Variants in ADAMTSL2 observed in about 807,000 individuals in gnomAD.
ADAMTSL2 encodes ADAMTS-like protein 2.
Under a neutral mutation model 117.0 loss-of-function variants are expected in ADAMTSL2, and 55 were observed. The observed-to-expected ratio is 0.47, with a 90% CI of 0.38 to 0.59. The LOEUF (loss-of-function observed/expected upper bound fraction) is 0.59, where lower values mean the gene tolerates loss of function less well. ADAMTSL2 is among the 20% of genes least tolerant of loss of function. ADAMTSL2 has a pLI of 0.00. For missense variants in ADAMTSL2, 1,182 were observed against 1,354.5 expected (o/e 0.87, Z 2.00); for synonymous variants, 572 against 566.4 (o/e 1.01, Z -0.14).
chr9:133,535,792 G>T (rs1830036790), intron 1 of ADAMTSL2, among the ~76,000 whole-genome samples: 1 of 152,118 alleles, frequency 6.6e-6, no homozygotes, highest in African/African-American at 2.4e-5. Context: ...GCAAGGCCTG[G>T]ACAGAGGTCA....
In ADAMTSL2 at chr9:133,558,035, CT is replaced by C. The variant is rs1170521531; in HGVS notation, c.1649+2107del. ...CCTTAGGCCAGGGTCATGGCACAAG[CT>C]TACGGATCCTCAAGCCGCTTTGTAA... On this transcript the variant is annotated intron_variant, in intron 11 of 18. Transcript: ENST00000651351. This position sits in a 1 kb window ranked among gnomAD's most constrained non-coding sequence, Gnocchi z 4.3. 1.3e-5 allele frequency among the ~76,000 whole-genome samples: 2 copies of C among 152,158 alleles called. No individual in the cohort carries two copies. The highest frequency in any genetic ancestry group is 4.8e-5 in the African/African-American group (2 of 41,436).
At chr9:133,542,154 C>T (rs1193965267) in intron 7 of ADAMTSL2, among the ~76,000 whole-genome samples, 1 of 152,052 alleles carries the variant, frequency 6.6e-6, no homozygotes, top group Non-Finnish European at 1.5e-5. Flanking sequence ...CTAACTGTGG[C>T]GTGAGTGTTG....
upstream of ADAMTSL2, among the ~76,000 whole-genome samples, chr9:133,534,015 A>T (rs1829991573): frequency 6.6e-6 from 1 of 152,164 alleles, no homozygotes; most frequent in Non-Finnish European, 1.5e-5. Context: ...CTGACTCAGC[A>T]GGAACAGAGG....
rs570412714 is a variant in ADAMTSL2 at position 133,537,234 on chromosome 9, G to A, written c.91-171G>A. On this transcript the variant is annotated intron_variant, in intron 2 of 18. Transcript: ENST00000651351. ...CGGTTCCTTGGGAGTTCCCCCCAGC[G>A]CCACCCAGGAGATCTGAACCCAAGC... Among the ~76,000 whole-genome samples, 6 of 152,282 alleles carry A rather than the reference G, an allele frequency of 3.9e-5. No individual in the cohort carries two copies. In the East Asian group the frequency reaches 1.2e-3, roughly 29 times the overall value.
chr9:133,544,106 G>A lies in ADAMTSL2; in HGVS notation c.683-364G>A, dbSNP rs912339068. Among the ~76,000 whole-genome samples the A allele has an allele frequency of 1.3e-5, 2 of 152,256 alleles. 1 individual carries two copies. Among genetic ancestry groups the A allele is most frequent in the African/African-American group, 4.8e-5 (2 of 41,466 alleles). On this transcript the variant is annotated intron_variant, in intron 7 of 18. Transcript: ENST00000651351. ...TTTTAAAATGGCAGTGACAATGCAC[G>A]CAGGGAGCTGGGGCTCCATCGGCTG... is the stretch of plus-strand genomic sequence containing the variant.
At chr9:133,572,425 C>T (rs2131189217) in intron 17 of ADAMTSL2, among the ~76,000 whole-genome samples, 1 of 152,292 alleles carries the variant, frequency 6.6e-6, no homozygotes, top group South Asian at 2.1e-4. Context: ...CTGAAGCCTC[C>T]TTCTGGAAAG....
At chr9:133,571,732 A>C (rs1831111007) in intron 17 of ADAMTSL2, among the ~76,000 whole-genome samples, 2 of 152,158 alleles carry the variant, frequency 1.3e-5, no homozygotes, top group Non-Finnish European at 2.9e-5. Flanking sequence ...ACACCTGGCA[A>C]TGCCATGAGC....
chr9:133,533,008 T>C (rs2131080029), upstream of ADAMTSL2, among the ~76,000 whole-genome samples: 1 of 152,282 alleles, frequency 6.6e-6, no homozygotes, highest in East Asian at 1.9e-4. Context: ...ACCCTGGCGC[T>C]GGCTGGATGT....
rs1205131996 is a variant in ADAMTSL2, at chr9:133,563,828, A to AGAGAGAGAGAGG, written c.1747+2544_1747+2545insGGAGAGAGAGAG. 7.2e-4 allele frequency among the ~76,000 whole-genome samples: 62 copies of AGAGAGAGAGAGG among 85,586 alleles called. 4 individuals are homozygous for AGAGAGAGAGAGG. The highest frequency in any genetic ancestry group is 9.2e-4 in the African/African-American group (19 of 20,602). 56.1% of individuals were successfully genotyped at this position (85,586 alleles called of 152,430 possible). A position where few individuals can be genotyped will look rare whatever the true frequency, so the allele number is the denominator to read the frequency against. The stretch of plus-strand genomic sequence containing the variant: ...GAGAGAGAGAAAGGGGGAGAGAGAG[A>AGAGAGAGAGAGG]GAGAGAGAGAGAGAGGGAGAGAGAG... On this transcript the variant is annotated intron_variant, in intron 12 of 18. Coordinates refer to ENST00000651351, the MANE Select transcript of ADAMTSL2 (RefSeq NM_014694.4).
Position 133,540,580 on chromosome 9 carries a change from T to C in ADAMTSL2, c.413-18T>C, listed in dbSNP as rs1830193386. The C allele has an allele frequency of 6.2e-7, 1 of 1,612,826 alleles. No homozygotes were observed. Among genetic ancestry groups the C allele is most frequent in the African/African-American group, 1.3e-5 (1 of 74,928 alleles). On this transcript the variant is annotated intron_variant, in intron 5 of 18. Coordinates refer to ENST00000651351, the MANE Select transcript of ADAMTSL2 (RefSeq NM_014694.4). ...TCCTGCCCCGCTGAAACCTTCTGTC[T>C]TTGTCTCCCTCCACCAGATGACTAT...
At chr9:133,546,122 C>T (rs770522934) in intron 8 of ADAMTSL2, among the ~76,000 whole-genome samples, 1 of 152,158 alleles carries the variant, frequency 6.6e-6, no homozygotes, top group African/African-American at 2.4e-5. Context: ...GGCCTCCTCC[C>T]TGCGTCCCCA....
rs1830628769 is a variant in ADAMTSL2, at chr9:133,557,478, C to T, written c.1649+1548C>T. 6.6e-6 allele frequency among the ~76,000 whole-genome samples: 1 copy of T among 152,034 alleles called. No homozygotes were observed. The highest frequency in any genetic ancestry group is 1.9e-4 in the East Asian group (1 of 5,176). On this transcript the variant is annotated intron_variant, in intron 11 of 18. Transcript: ENST00000651351. This position sits in a 1 kb window ranked among gnomAD's most constrained non-coding sequence, Gnocchi z 5.2. ...AGCCTTGGGTAGGTGGGGCCTGTGG[C>T]TGGTTCTCAGGACTCGGGCGGGGAG...
chr9:133,564,593 AGG>A (rs1830903799), intron 12 of ADAMTSL2, among the ~76,000 whole-genome samples: 1 of 76,188 alleles, frequency 1.3e-5, no homozygotes, highest in Non-Finnish European at 2.6e-5. Context: ...GGAGAGAGAG[AGG>A]GGGAGAGAGA....
chr9:133,573,659 A>G (rs1831161643), intron 17 of ADAMTSL2, among the ~76,000 whole-genome samples, 184 bp from the exon 18 acceptor site: 1 of 151,942 alleles, frequency 6.6e-6, no homozygotes, highest in Non-Finnish European at 1.5e-5. Context: ...CGGCATCTCA[A>G]CTCAGCCTTG....
intron 11 of ADAMTSL2, among the ~76,000 whole-genome samples, chr9:133,559,488 C>T (rs953789916): frequency 1.3e-5 from 2 of 151,126 alleles, no homozygotes; most frequent in African/African-American, 2.4e-5. Flanking sequence ...GGACTACAGG[C>T]GCCCGCCACC....
chr9:133,547,705 C>A (rs1264745829), intron 9 of ADAMTSL2, among the ~76,000 whole-genome samples: 1 of 152,176 alleles, frequency 6.6e-6, no homozygotes, highest in East Asian at 1.9e-4. Flanking sequence ...ATGCCCCTAC[C>A]TAGCTTCAGG....
At chr9:133,563,670 C>T (rs1245293868) in intron 12 of ADAMTSL2, among the ~76,000 whole-genome samples, 2 of 152,020 alleles carry the variant, frequency 1.3e-5, no homozygotes, top group East Asian at 1.9e-4. Flanking sequence ...GTCTGTGCAG[C>T]GTGGCCCAAG....
chr9:133,544,586 C>A (rs1830305213), intron 8 of ADAMTSL2, 36 bp downstream of exon 8: 1 of 1,580,992 alleles, frequency 6.3e-7, no homozygotes, highest in Admixed American at 1.7e-5. Flanking sequence ...CCTCACTGAG[C>A]TTTTGGTTGT....
At chr9:133,574,058 G>C in intron 18 of ADAMTSL2, 71 bp downstream of exon 18, 2 of 1,539,692 alleles carry the variant, frequency 1.3e-6, no homozygotes, top group Non-Finnish European at 8.8e-7. Flanking sequence ...CAGGGCCTGA[G>C]GGGTGAGCAG....
Sources: gnomAD v4.1 joint callset for allele counts (sites outside exome capture counted in the v4.1 genomes callset) on GRCh38, gnomAD v4.1.1 for gene constraint, Gnocchi (gnomAD v3.1) non-coding constraint, MANE v1.5 for transcripts, NCBI Gene and HGNC (gene_info 2026-07-23, HGNC 2026-07-21) for gene names.